Variants in CDC25C observed in about 807,000 individuals in gnomAD.
CDC25C encodes M-phase inducer phosphatase 3.
Under a neutral mutation model 52.5 loss-of-function variants are expected in CDC25C, and 48 were observed. The ratio of observed to expected loss-of-function variants is 0.91; its 90% CI spans 0.72 to 1.16. CDC25C has a LOEUF of 1.16. Ranked by LOEUF, CDC25C falls within the 50% of genes most tolerant of loss-of-function variation. CDC25C has a pLI of 0.00. For synonymous variants in CDC25C, 187 were observed against 206.5 expected, an observed-to-expected ratio of 0.91 and a Z score of 0.81; for missense variants, 510 against 566.1, an observed-to-expected ratio of 0.90 and a Z score of 1.01.
At position 138,329,551 on chromosome 5, in the gene CDC25C, A is replaced by C; in HGVS notation, c.289+2T>G. ...TGAGGCCTTTATCTCCCTTCTCCCT[A>C]CCAGTTTCATCAAGGTCTGCAGAAG... On this transcript the variant is annotated splice_donor_variant, in intron 3 of 13. Transcript: ENST00000323760. LOFTEE classifies it high-confidence loss of function. 6.3e-7 allele frequency: 1 copy of C among 1,581,070 alleles called. No homozygotes were observed. The highest frequency in any genetic ancestry group is 8.7e-7 in the Non-Finnish European group (1 of 1,150,908).
rs11567973 is a variant in CDC25C at position 138,325,666 on chromosome 5, A to G, written c.459+149T>C. The G allele has an allele frequency of 7.7e-5, 48 of 627,380 alleles. No individual in the cohort carries two copies. In the East Asian group the frequency reaches 1.3e-3, roughly 17 times the overall value. The allele number at this position is 627,380 out of a possible 1,614,324, so 38.9% of individuals were successfully genotyped here. A position where few individuals can be genotyped will look rare whatever the true frequency, so the allele number is the denominator to read the frequency against. On this transcript the variant is annotated intron_variant, in intron 6 of 13. Coordinates refer to ENST00000323760, the MANE Select transcript of CDC25C (RefSeq NM_001790.5). ...GGGCCAAACTTTAATAAGAAAAAAC[A>G]AAAACAAAGAAATTTTCTCCCCTAT...
At chr5:138,337,809 A>C in intron 1 of CDC25C, 1 of 443,322 alleles carries the variant, frequency 2.3e-6, no homozygotes, top group South Asian at 1.9e-5. Flanking sequence ...GGGAAGGGGG[A>C]TTCCTTCGAA....
chr5:138,301,295 G>A (rs1757609301), intron 7 of CDC25C, among the ~76,000 whole-genome samples: 2 of 152,150 alleles, frequency 1.3e-5, no homozygotes, highest in South Asian at 4.2e-4. Context: ...ACACTAAAAC[G>A]CTAATAAGGA....
chr5:138,303,403 T>G (rs937113049), intron 7 of CDC25C, among the ~76,000 whole-genome samples: 9 of 151,740 alleles, frequency 5.9e-5, no homozygotes, highest in Admixed American at 2.0e-4. Context: ...TTTTGCAGTC[T>G]TTACAAATGC....
intron 7 of CDC25C, among the ~76,000 whole-genome samples, chr5:138,300,856 A>C (rs1443948041): frequency 1.3e-5 from 2 of 152,180 alleles, no homozygotes; most frequent in African/African-American, 4.8e-5. Context: ...TGAGGTCCTC[A>C]AAAAGTCCTC....
At chr5:138,303,736 T>A (rs530670009) in intron 7 of CDC25C, among the ~76,000 whole-genome samples, 23 of 152,324 alleles carry the variant, frequency 1.5e-4, no homozygotes, top group Non-Finnish European at 3.2e-4. Context: ...GGACTCCCTA[T>A]AATCTCCCTT....
chr5:138,320,604 G>A (rs1759287755), intron 6 of CDC25C, among the ~76,000 whole-genome samples: 1 of 151,990 alleles, frequency 6.6e-6, no homozygotes, highest in Non-Finnish European at 1.5e-5. Flanking sequence ...TGGATCTCTT[G>A]AACCCAGGAG....
At chr5:138,286,927 T>C (rs1328759527) in intron 11 of CDC25C, among the ~76,000 whole-genome samples, 3 of 152,160 alleles carry the variant, frequency 2.0e-5, no homozygotes, top group Non-Finnish European at 4.4e-5. Flanking sequence ...ATTAATGTTT[T>C]TATTTCTAGG....
At chr5:138,326,169 G>C in intron 4 of CDC25C, 115 bp from the exon 5 acceptor site, 1 of 1,034,282 alleles carries the variant, frequency 9.7e-7, no homozygotes, top group Non-Finnish European at 1.5e-6. Context: ...CCTATTCCTA[G>C]TTGATATGTC....
exon 1 of CDC25C, chr5:138,338,125 G>T (rs1385167654): frequency 1.6e-5 from 20 of 1,289,716 alleles, no homozygotes; most frequent in Admixed American, 4.6e-5. Flanking sequence ...GACACTTTGA[G>T]AGAGACACGA....
rs1296322639 is a variant in CDC25C at position 138,337,942 on chromosome 5, A to T, written c.13+14T>A. The stretch of plus-strand genomic sequence containing the variant: ...GTTGGAGGGAGGGAGGGCAGGGGCG[A>T]TGCCTTTGTTTACCTTCTTCCGACA... On this transcript the variant is annotated intron_variant, in intron 1 of 5. Transcript: ENST00000510119. The T allele has an allele frequency of 2.3e-6, 3 of 1,288,194 alleles. No individual in the cohort carries two copies. The African/African-American group carries it at 4.6e-5, about 20-fold the overall frequency. The allele number at this position is 1,288,194 out of a possible 1,614,324, so 79.8% of individuals were successfully genotyped here.
chr5:138,286,508 C>T lies in CDC25C; in HGVS notation c.1149G>A (p.Arg383=). Residue 383 remains arginine (R), a synonymous_variant, in exon 12 of 14, where the codon AGG becomes AGA. Transcript: ENST00000323760. ...IVFHCEFSSE[R]GPRMCRCLRE... is the part of the protein sequence containing the mutation. ...ATTTAGACACTCACATTCGGGGGCCCCTCTCTGAGGAGAATTCACAGTGGA... is the reference window on the plus strand; with the variant it reads ...ATTTAGACACTCACATTCGGGGGCCTCTCTCTGAGGAGAATTCACAGTGGA... 6.2e-7 allele frequency: 1 copy of T among 1,611,538 alleles called. No individual in the cohort carries two copies. Among genetic ancestry groups the T allele is most frequent in the Non-Finnish European group, 8.5e-7 (1 of 1,178,868 alleles).
intron 7 of CDC25C, among the ~76,000 whole-genome samples, chr5:138,297,356 C>T (rs1300914798): frequency 2.6e-5 from 4 of 152,136 alleles, no homozygotes; most frequent in African/African-American, 9.7e-5. Flanking sequence ...CCACTGTGCC[C>T]GGCCTAGTTC....
intron 2 of CDC25C, among the ~76,000 whole-genome samples, chr5:138,330,562 C>T: frequency 6.6e-6 from 1 of 152,156 alleles, no homozygotes; most frequent in East Asian, 1.9e-4. Flanking sequence ...GGCTGAAGTG[C>T]AGTGAGGCGA....
At chr5:138,286,408 G>A in intron 12 of CDC25C, 89 bp downstream of exon 12, 1 of 1,341,944 alleles carries the variant, frequency 7.5e-7, no homozygotes, top group South Asian at 1.4e-5. Flanking sequence ...TCAAACTGTA[G>A]AATCCAGTCA....
At chr5:138,326,556 C>T (rs949936623) in intron 4 of CDC25C, among the ~76,000 whole-genome samples, 9 of 152,124 alleles carry the variant, frequency 5.9e-5, no homozygotes, top group African/African-American at 1.4e-4. Context: ...TTAGCCAGGA[C>T]GGTCTTGATC....
intron 7 of CDC25C, among the ~76,000 whole-genome samples, chr5:138,316,890 A>C (rs1391351518): frequency 2.0e-5 from 3 of 152,068 alleles, no homozygotes; most frequent in African/African-American, 7.2e-5. Flanking sequence ...ACACTCAATA[A>C]AGCTTCTCTT....
chr5:138,290,817 T>C (rs1756644764), intron 8 of CDC25C, 77 bp from the exon 9 acceptor site: 4 of 874,326 alleles, frequency 4.6e-6, no homozygotes, highest in Non-Finnish European at 5.8e-6. Flanking sequence ...GAGTGGGCCA[T>C]GGTGGCGCAC....
intron 2 of CDC25C, among the ~76,000 whole-genome samples, chr5:138,329,860 A>G (rs1027370902): frequency 6.6e-6 from 1 of 150,794 alleles, no homozygotes; most frequent in African/African-American, 2.4e-5. Context: ...CCTCCCAAAT[A>G]GCTGGGATCA....
Sources: gnomAD v4.1 joint callset for allele counts (sites outside exome capture counted in the v4.1 genomes callset) on GRCh38, gnomAD v4.1.1 for gene constraint, MANE v1.5 for transcripts, NCBI Gene and HGNC (gene_info 2026-07-23, HGNC 2026-07-21) for gene names.